The following MTSS1 variants were observed in gnomAD, a reference collection of about 807,000 sequenced individuals.
MTSS1 encodes the protein MTSS I-BAR domain containing 1, also known as protein MTSS 1.
A neutral mutation model predicts 79.0 loss-of-function variants in MTSS1; 18 were observed. That is an observed-to-expected ratio of 0.23 (90% CI 0.16 to 0.34). The LOEUF (loss-of-function observed/expected upper bound fraction) is 0.34. Among genes scored for constraint, MTSS1 ranks in the 10% least tolerant of loss-of-function variants. The pLI is 1.00. For synonymous variants in MTSS1, 341 were observed against 368.6 expected (o/e 0.93, Z 0.86); for missense variants, 815 against 986.2 (o/e 0.83, Z 2.33).
intron 13 of MTSS1, among the ~76,000 whole-genome samples, chr8:124,554,137 C>T (rs1163858203): frequency 1.3e-5 from 2 of 152,242 alleles, no homozygotes; most frequent in Non-Finnish European, 2.9e-5. Context: ...AGACAAAGAA[C>T]AAAGCTACTG....
At chr8:124,638,526 G>A (rs1301828735) in intron 3 of MTSS1, among the ~76,000 whole-genome samples, 3 of 152,174 alleles carry the variant, frequency 2.0e-5, no homozygotes, top group South Asian at 2.1e-4. Context: ...CTTCCCCGGC[G>A]GAGATCCGTG....
At chr8:124,669,285 T>G (rs1716733578) in intron 3 of MTSS1, among the ~76,000 whole-genome samples, 1 of 152,222 alleles carries the variant, frequency 6.6e-6, no homozygotes, top group Non-Finnish European at 1.5e-5. Flanking sequence ...TGAGAAACTG[T>G]GTAGGTGTCC....
intron 8 of MTSS1, among the ~76,000 whole-genome samples, chr8:124,566,844 T>C (rs571872697): frequency 6.6e-6 from 1 of 152,236 alleles, no homozygotes; most frequent in South Asian, 2.1e-4. Context: ...AGCATAATCA[T>C]GAAGATGAAT....
intron 4 of MTSS1, among the ~76,000 whole-genome samples, chr8:124,590,598 G>A (rs1214015167): frequency 2.0e-5 from 3 of 152,186 alleles, no homozygotes; most frequent in African/African-American, 7.2e-5. Context: ...ACATAAAACT[G>A]CTGAATGATG....
At chr8:124,660,959 T>G (rs1821924897) in intron 3 of MTSS1, among the ~76,000 whole-genome samples, 1 of 152,206 alleles carries the variant, frequency 6.6e-6, no homozygotes, top group Non-Finnish European at 1.5e-5. Flanking sequence ...ACACGCACAA[T>G]TTGGTTCACA....
chr8:124,633,306 C>A (rs1480924711), intron 3 of MTSS1, among the ~76,000 whole-genome samples: 3 of 152,154 alleles, frequency 2.0e-5, no homozygotes, highest in African/African-American at 7.2e-5. Flanking sequence ...TCTTTAAGAA[C>A]AGCATTCAGA....
chr8:124,564,648 T>G (rs1810009717), intron 9 of MTSS1: 1 of 146,308 alleles, frequency 6.8e-6, no homozygotes, highest in Admixed American at 7.0e-5. Context: ...TTTACACTAA[T>G]GAGAGATTTT....
At chr8:124,709,478 C>A (rs935240391) in intron 1 of MTSS1, among the ~76,000 whole-genome samples, 1 of 152,194 alleles carries the variant, frequency 6.6e-6, no homozygotes, top group Non-Finnish European at 1.5e-5. Context: ...ACAAAACTCC[C>A]GCCACGCCCC....
rs1214221264 is a variant in MTSS1, at chr8:124,727,480, G to A, written c.72+404C>T. 4.5e-6 allele frequency: 2 copies of A among 442,168 alleles called. No homozygotes were observed. Among genetic ancestry groups the A allele is most frequent in the African/African-American group, 4.0e-5 (2 of 49,532 alleles). The allele number at this position is 442,168 out of a possible 1,614,324, so 27.4% of individuals were successfully genotyped here. A position where few individuals can be genotyped will look rare whatever the true frequency, so the allele number is the denominator to read the frequency against. On this transcript the variant is annotated intron_variant, in intron 1 of 13. Coordinates refer to ENST00000518547, the MANE Select transcript of MTSS1 (RefSeq NM_014751.6). The surrounding 1 kb of genome is among the most constrained non-coding windows in gnomAD (Gnocchi z 4.7). ...GAGCCCCCACTTCCTCCCCACCACCGCGCCAGGCGCCCCCACCCCGTGCCC... is the reference window on the plus strand; with the variant it reads ...GAGCCCCCACTTCCTCCCCACCACCACGCCAGGCGCCCCCACCCCGTGCCC...
intron 3 of MTSS1, among the ~76,000 whole-genome samples, chr8:124,599,715 A>C (rs745591281): frequency 6.6e-6 from 1 of 152,006 alleles, no homozygotes; most frequent in Non-Finnish European, 1.5e-5. Flanking sequence ...AATGACCTCC[A>C]AAACGGTCTT....
intron 6 of MTSS1, among the ~76,000 whole-genome samples, chr8:124,572,146 T>C (rs1444843084): frequency 1.3e-5 from 2 of 152,184 alleles, no homozygotes; most frequent in Non-Finnish European, 2.9e-5. Context: ...CCCAGTGTTA[T>C]CTAATTTGGA....
intron 13 of MTSS1, among the ~76,000 whole-genome samples, chr8:124,555,444 C>T (rs1056836750): frequency 3.5e-4 from 53 of 152,254 alleles, no homozygotes; most frequent in African/African-American, 1.2e-3. Flanking sequence ...GATGGGGTTT[C>T]ACCATGTTAG....
At chr8:124,610,593 T>G (rs1184898447) in intron 3 of MTSS1, among the ~76,000 whole-genome samples, 1 of 152,206 alleles carries the variant, frequency 6.6e-6, no homozygotes, top group Non-Finnish European at 1.5e-5. Flanking sequence ...TAGTTTCACA[T>G]GACACCAGAA....
In MTSS1 at chr8:124,555,764, A is replaced by G; in HGVS notation, c.1545T>C (p.Ser515=). ...YSTQTTTPCC[S]EDTIPSQVSD... is the part of the protein sequence containing the mutation. ...TACCTTGGGAAGGGATGGTGTCCTC[A>G]GAGCAGCAGGGGGTGGTTGTCTGGG... is the stretch of plus-strand genomic sequence containing the variant. The change falls in exon 13 of 14, where the codon TCT becomes TCC. Residue 515 remains serine, a synonymous_variant. Transcript: ENST00000518547. The G allele has an allele frequency of 6.2e-7, 1 of 1,612,416 alleles. No homozygotes were observed. Among genetic ancestry groups the G allele is most frequent in the Non-Finnish European group, 8.5e-7 (1 of 1,179,206 alleles).
intron 3 of MTSS1, among the ~76,000 whole-genome samples, chr8:124,610,478 A>G (rs1835608823): frequency 1.3e-5 from 2 of 152,204 alleles, no homozygotes; most frequent in Non-Finnish European, 1.5e-5. Context: ...GAACCTACCA[A>G]ATGGTATTCT....
At chr8:124,618,940 C>G (rs537343365) in intron 3 of MTSS1, among the ~76,000 whole-genome samples, 1 of 152,336 alleles carries the variant, frequency 6.6e-6, no homozygotes, top group African/African-American at 2.4e-5. Context: ...GGAGCTAGTG[C>G]TTTGCTCCAA....
chr8:124,687,055 C>G (rs1827100717), intron 3 of MTSS1, among the ~76,000 whole-genome samples: 1 of 152,340 alleles, frequency 6.6e-6, no homozygotes, highest in Non-Finnish European at 1.5e-5. Flanking sequence ...AGAGGACCCA[C>G]AGTCAATGCT....
Position 124,580,593 on chromosome 8 carries a change from A to G in MTSS1, c.460+4494T>C. On this transcript the variant is annotated intron_variant, in intron 6 of 13. Coordinates refer to ENST00000518547, the MANE Select transcript of MTSS1 (RefSeq NM_014751.6). ...GGGGGGGCACACGGTGAGAAAGTGC[A>G]GGATACACAATTGACACAAAAAGGA... 8 of 1,535,582 alleles carry G rather than the reference A, an allele frequency of 5.2e-6. No homozygotes were observed. The East Asian group carries it at 7.3e-5, about 14-fold the overall frequency.
In MTSS1 at chr8:124,717,178, GC is replaced by G. The variant is rs542589479; in HGVS notation, c.72+10705del. Among the ~76,000 whole-genome samples, 7 of 152,096 alleles carry G rather than the reference GC, an allele frequency of 4.6e-5. No individual in the cohort carries two copies. In the South Asian group the frequency reaches 1.5e-3, roughly 32 times the overall value. On this transcript the variant is annotated intron_variant, in intron 1 of 13. Transcript: ENST00000518547. ...TAACGCCACCTCCTCTGCGAGGCCCGCCCCTAACCACTCTACTTAAAAACAG... is the reference window on the plus strand; with the variant it reads ...TAACGCCACCTCCTCTGCGAGGCCCGCCCTAACCACTCTACTTAAAAACAG...
Sources: gnomAD v4.1 joint callset for allele counts (sites outside exome capture counted in the v4.1 genomes callset) on GRCh38, gnomAD v4.1.1 for gene constraint, Gnocchi (gnomAD v3.1) non-coding constraint, MANE v1.5 for transcripts, NCBI Gene and HGNC (gene_info 2026-07-23, HGNC 2026-07-21) for gene names.